PRKN: variants seen among roughly 807,000 people sequenced by gnomAD.
PRKN encodes the protein parkin RBR E3 ubiquitin protein ligase, also known as E3 ubiquitin-protein ligase parkin.
Under a neutral mutation model 59.5 loss-of-function variants are expected in PRKN, and 56 were observed. That is an observed-to-expected ratio of 0.94 (90% CI 0.76 to 1.18). The LOEUF (loss-of-function observed/expected upper bound fraction) is 1.18. Among genes scored for constraint, PRKN ranks in the 50% most tolerant of loss-of-function variants. PRKN has a pLI of 0.00. For synonymous variants in PRKN, 250 were observed against 222.1 expected (o/e 1.13, Z -1.12); for missense variants, 657 against 596.4 (o/e 1.10, Z -1.06).
chr6:161,933,101 G>A (rs768381037), intron 6 of PRKN, among the ~76,000 whole-genome samples: 18 of 152,148 alleles, frequency 1.2e-4, no homozygotes, highest in Non-Finnish European at 2.2e-4. Context: ...CTAACATGGT[G>A]AAAGCCCATC....
chr6:162,638,682 G>A (rs2846566), intron 1 of PRKN, among the ~76,000 whole-genome samples: 124,867 of 150,706 alleles, frequency 0.83, 52,029 homozygotes, highest in East Asian at 0.95. Context: ...AACTCTCAGA[G>A]CAAAGTACAA....
chr6:161,479,991 AT>A (rs1180530413), intron 9 of PRKN, among the ~76,000 whole-genome samples: 5 of 152,214 alleles, frequency 3.3e-5, no homozygotes, highest in Non-Finnish European at 5.9e-5. Context: ...CCAGCACACA[AT>A]TCCTTGCTCC....
intron 1 of PRKN, among the ~76,000 whole-genome samples, chr6:162,682,709 T>C (rs1421381651): frequency 2.6e-5 from 4 of 152,070 alleles, no homozygotes; most frequent in Non-Finnish European, 5.9e-5. Flanking sequence ...CAGGCAATCA[T>C]GAGTGCACCA....
chr6:162,301,014 A>G (rs1239628932), intron 2 of PRKN, among the ~76,000 whole-genome samples: 2 of 152,212 alleles, frequency 1.3e-5, no homozygotes, highest in Admixed American at 6.5e-5. Flanking sequence ...CCACAGTTTT[A>G]TAACTTCTGA....
At position 161,904,214 on chromosome 6, in the gene PRKN, A is replaced by C. The variant is rs552117602; in HGVS notation, c.734+69088T>G. On this transcript the variant is annotated intron_variant, in intron 6 of 11. Transcript: ENST00000366898. ...ATTAAGCAACAGCTGGGTCCTGAGG[A>C]TGCTGAGCCAGCACGCCCACAGTTT... Among the ~76,000 whole-genome samples the C allele has an allele frequency of 9.9e-5, 15 of 151,630 alleles. No individual in the cohort carries two copies. In the South Asian group the frequency reaches 3.1e-3, roughly 32 times the overall value.
chr6:162,330,483 C>A (rs776533797), intron 2 of PRKN, among the ~76,000 whole-genome samples: 2 of 152,176 alleles, frequency 1.3e-5, no homozygotes, highest in Non-Finnish European at 2.9e-5. Flanking sequence ...GTTGGTTCAG[C>A]GCATAATTCC....
intron 6 of PRKN, among the ~76,000 whole-genome samples, chr6:161,962,371 AATTGCC>A (rs1562421648): frequency 6.6e-6 from 1 of 152,174 alleles, no homozygotes; most frequent in Non-Finnish European, 1.5e-5. Flanking sequence ...ATAAGGATAA[AATTGCC>A]ATTAGAAATA....
intron 4 of PRKN, among the ~76,000 whole-genome samples, chr6:162,182,130 C>A (rs547832551): frequency 6.6e-6 from 1 of 152,246 alleles, no homozygotes; most frequent in African/African-American, 2.4e-5. Context: ...CCACCAGTTT[C>A]TACCCTGGAC....
chr6:162,241,086 T>C (rs1778969754), intron 3 of PRKN, among the ~76,000 whole-genome samples: 1 of 152,216 alleles, frequency 6.6e-6, no homozygotes, highest in Admixed American at 6.5e-5. Flanking sequence ...TTAAAGTTGA[T>C]TAAAACTTAA....
At chr6:162,293,198 C>A (rs1369424587) in intron 2 of PRKN, among the ~76,000 whole-genome samples, 1 of 152,146 alleles carries the variant, frequency 6.6e-6, no homozygotes, top group African/African-American at 2.4e-5. Context: ...CAGAAGCCAA[C>A]AGGAAATTAG....
intron 4 of PRKN, among the ~76,000 whole-genome samples, chr6:162,189,779 T>C (rs1446845023): frequency 1.3e-5 from 2 of 152,024 alleles, no homozygotes; most frequent in African/African-American, 4.8e-5. Context: ...ATACTGACCT[T>C]TACCTAAAGT....
chr6:161,400,178 G>A lies in PRKN; in HGVS notation c.1084-13301C>T, dbSNP rs1044871915. ...GGTCTACAAGGACCCTGCTGTCTGAGGACTCCTTGCACGATGCAGAGTTCA... is the reference window on the plus strand; with the variant it reads ...GGTCTACAAGGACCCTGCTGTCTGAAGACTCCTTGCACGATGCAGAGTTCA... On this transcript the variant is annotated intron_variant, in intron 9 of 11. Coordinates refer to ENST00000366898, the MANE Select transcript of PRKN (RefSeq NM_004562.3). The surrounding 1 kb of genome is among the most constrained non-coding windows in gnomAD (Gnocchi z 4.2). Among the ~76,000 whole-genome samples the A allele has an allele frequency of 1.3e-5, 2 of 152,038 alleles. No homozygotes were observed.
chr6:161,944,712 G>A (rs181637400), intron 6 of PRKN, among the ~76,000 whole-genome samples: 361 of 152,288 alleles, frequency 2.4e-3, no homozygotes, highest in African/African-American at 8.1e-3. Context: ...GTCCAAAATA[G>A]TTGCTTTAGG....
intron 6 of PRKN, among the ~76,000 whole-genome samples, chr6:161,879,409 G>A (rs1794849336): frequency 6.8e-6 from 1 of 146,214 alleles, no homozygotes; most frequent in South Asian, 2.2e-4. Flanking sequence ...GTACAGTGGT[G>A]CAATCTTGGC....
chr6:161,702,339 T>C (rs541608140), intron 7 of PRKN, among the ~76,000 whole-genome samples: 1 of 152,154 alleles, frequency 6.6e-6, no homozygotes, highest in African/African-American at 2.4e-5. Context: ...ATCCATACAA[T>C]GGAATACTGT....
At chr6:162,078,848 G>T (rs1778939793) in intron 4 of PRKN, among the ~76,000 whole-genome samples, 1 of 147,694 alleles carries the variant, frequency 6.8e-6, no homozygotes, top group African/African-American at 2.5e-5. Flanking sequence ...TACTAAGCAA[G>T]ATTATTAATA....
Position 162,375,806 on chromosome 6 carries a change from T to A in PRKN, c.171+67504A>T, listed in dbSNP as rs140349509. On this transcript the variant is annotated intron_variant, in intron 2 of 11. Coordinates refer to ENST00000366898, the MANE Select transcript of PRKN (RefSeq NM_004562.3). ...CTCTCTCTCTAGATATATATACATA[T>A]ATATACATATTAACATATAACACAT... is the stretch of plus-strand genomic sequence containing the variant. Among the ~76,000 whole-genome samples the A allele has an allele frequency of 2.0e-4, 30 of 151,968 alleles. 2 individuals are homozygous for A. In the East Asian group the frequency reaches 5.8e-3, roughly 29 times the overall value.
chr6:162,628,283 C>T (rs189926225), intron 1 of PRKN, among the ~76,000 whole-genome samples: 1 of 152,100 alleles, frequency 6.6e-6, no homozygotes, highest in Non-Finnish European at 1.5e-5. Context: ...ACTGTATGAC[C>T]TAAAGATGGA....
At chr6:161,590,056 T>G (rs1302964039) in intron 7 of PRKN, among the ~76,000 whole-genome samples, 2 of 152,156 alleles carry the variant, frequency 1.3e-5, no homozygotes, top group African/African-American at 4.8e-5. Context: ...CCTGAAGTGC[T>G]GAGATTACAG....
Sources: gnomAD v4.1 joint callset for allele counts (sites outside exome capture counted in the v4.1 genomes callset) on GRCh38, gnomAD v4.1.1 for gene constraint, Gnocchi (gnomAD v3.1) non-coding constraint, MANE v1.5 for transcripts, NCBI Gene and HGNC (gene_info 2026-07-23, HGNC 2026-07-21) for gene names.